The following SRSF1 variants were observed in gnomAD, a reference collection of about 807,000 sequenced individuals.
SRSF1 encodes serine and arginine rich splicing factor 1.
A neutral mutation model predicts 25.9 loss-of-function variants in SRSF1; 1 was observed. That is an observed-to-expected ratio of 0.04 (90% CI 0.01 to 0.18). The LOEUF is 0.18. SRSF1 is among the 10% of genes least tolerant of loss of function. The pLI, the probability that SRSF1 is intolerant of heterozygous loss-of-function variation, is 1.00. For missense variants in SRSF1, 65 were observed against 350.5 expected, an observed-to-expected ratio of 0.19 and a Z score of 6.50; for synonymous variants, 132 against 126.2, an observed-to-expected ratio of 1.05 and a Z score of -0.31.
chr17:57,995,351 T>C, the SRSF1 span, among the ~76,000 whole-genome samples: 4 of 152,358 alleles, frequency 2.6e-5, no homozygotes, highest in Admixed American at 6.5e-5. Context: ...TGTGTAGTTA[T>C]TGAGTGGCTA....
chr17:57,989,731 T>C, the SRSF1 span: 1 of 398,636 alleles, frequency 2.5e-6, no homozygotes, highest in East Asian at 3.6e-5. Context: ...GCCTTGGGGA[T>C]GAATGAGAAG....
At position 58,002,234 on chromosome 17, in the gene SRSF1, C is replaced by T. The variant is rs1231121858; in HGVS notation, c.*3172G>A. ...AATTCTTAGATAAAAAGAGCTACAT[C>T]CTTAAACTTACACTAAGTACTTAGT... On this transcript the variant is annotated 3_prime_UTR_variant, in exon 4 of 4. Coordinates refer to ENST00000258962, the MANE Select transcript of SRSF1 (RefSeq NM_006924.5). Among the ~76,000 whole-genome samples, 1 of 152,184 alleles carries T rather than the reference C, an allele frequency of 6.6e-6. No homozygotes were observed. Among genetic ancestry groups the T allele is most frequent in the Non-Finnish European group, 1.5e-5 (1 of 68,028 alleles).
rs978237926 is a variant in SRSF1, at chr17:58,001,121, CAT to C, written c.*4283_*4284del. Among the ~76,000 whole-genome samples, 1 of 152,068 alleles carries C rather than the reference CAT, an allele frequency of 6.6e-6. No individual in the cohort carries two copies. The highest frequency in any genetic ancestry group is 6.6e-5 in the Admixed American group (1 of 15,264). The stretch of plus-strand genomic sequence containing the variant: ...CTTTTAATACTATTTATGGTAAATA[CAT>C]ATATATAACTTACTTGCAATTTAAA... On this transcript the variant is annotated 3_prime_UTR_variant, in exon 4 of 4. Transcript: ENST00000258962.
intron 2 of SRSF1, 119 bp from the exon 3 acceptor site, chr17:58,006,092 C>G: frequency 9.6e-7 from 1 of 1,044,146 alleles, no homozygotes; most frequent in Non-Finnish European, 1.4e-6. Flanking sequence ...TAAGTGATAC[C>G]AGGTAAAGAG....
In SRSF1 at chr17:58,000,959, A is replaced by ATTT. The variant is rs1451793538; in HGVS notation, c.*4446_*4447insAAA. 6.6e-6 allele frequency among the ~76,000 whole-genome samples: 1 copy of ATTT among 152,166 alleles called. No homozygotes were observed. Among genetic ancestry groups the ATTT allele is most frequent in the African/African-American group, 2.4e-5 (1 of 41,464 alleles). On this transcript the variant is annotated 3_prime_UTR_variant, in exon 4 of 4. Transcript: ENST00000258962. The stretch of plus-strand genomic sequence containing the variant: ...ACATTTAATTAGCTCAACAACAGAA[A>ATTT]ATCTTTTGTTTTCGTAGTTTTTGGA...
At chr17:57,998,274 C>G (rs2075372596), downstream of SRSF1, among the ~76,000 whole-genome samples, 1 of 152,134 alleles carries the variant, frequency 6.6e-6, no homozygotes, top group East Asian at 1.9e-4. Context: ...AAATTTCTAC[C>G]ACCGTTAAGG....
chr17:58,006,681 C>A, intron 1 of SRSF1, 154 bp from the exon 2 acceptor site: 3 of 983,048 alleles, frequency 3.1e-6, no homozygotes, highest in Non-Finnish European at 4.4e-6. Flanking sequence ...CCCAGAAACA[C>A]GCCAGGCTCC....
Position 58,002,130 on chromosome 17 carries a change from ACTT to A in SRSF1, c.*3273_*3275del. 6.6e-6 allele frequency among the ~76,000 whole-genome samples: 1 copy of A among 152,312 alleles called. No individual in the cohort carries two copies. Among genetic ancestry groups the A allele is most frequent in the South Asian group, 2.1e-4 (1 of 4,826 alleles). On this transcript the variant is annotated 3_prime_UTR_variant, in exon 4 of 4. Coordinates refer to ENST00000258962, the MANE Select transcript of SRSF1 (RefSeq NM_006924.5). The stretch of plus-strand genomic sequence containing the variant: ...ATTTTTAAAATGTTCTACACATAAA[ACTT>A]CTTAGAATTTCAAGAATGTCATGTA...
the SRSF1 span, chr17:57,990,732 G>T: frequency 6.6e-6 from 1 of 152,172 alleles, no homozygotes; most frequent in Admixed American, 6.5e-5. Context: ...TGAGTAAATG[G>T]TATTACCTTC....
At chr17:57,996,243 G>A (rs2075364119), downstream of SRSF1, among the ~76,000 whole-genome samples, 1 of 152,128 alleles carries the variant, frequency 6.6e-6, no homozygotes, top group African/African-American at 2.4e-5. Flanking sequence ...CCAGCACTTT[G>A]GGAGGCCGAA....
downstream of SRSF1, among the ~76,000 whole-genome samples, chr17:57,997,789 C>A (rs1423829895): frequency 6.6e-6 from 1 of 152,150 alleles, no homozygotes; most frequent in Non-Finnish European, 1.5e-5. Context: ...TGCGGTGGCA[C>A]CCTGAAGACA....
chr17:58,005,641 T>C lies in SRSF1; in HGVS notation c.553-41A>G. 1 of 1,611,222 alleles carries C rather than the reference T, an allele frequency of 6.2e-7. No individual in the cohort carries two copies. The highest frequency in any genetic ancestry group is 8.5e-7 in the Non-Finnish European group (1 of 1,177,836). On this transcript the variant is annotated intron_variant, in intron 3 of 3. Transcript: ENST00000258962. This position sits in a 1 kb window ranked among gnomAD's most constrained non-coding sequence, Gnocchi z 5.2. ...AACTTTCCATTGAAAGATCTAAGCT[T>C]TCATCTATCTTCAGACATGCTGAAT...
chr17:58,006,284 A>G, intron 2 of SRSF1, 59 bp downstream of exon 2: 4 of 1,532,820 alleles, frequency 2.6e-6, no homozygotes, highest in Non-Finnish European at 3.5e-6. Context: ...GTCACGCAAG[A>G]GAAAAATTTT....
downstream of SRSF1, among the ~76,000 whole-genome samples, chr17:57,997,099 C>G (rs190806416): frequency 2.9e-4 from 44 of 152,240 alleles, no homozygotes; most frequent in African/African-American, 1.0e-3. Context: ...ACTATTTAGT[C>G]TTTTTGGAGA....
the SRSF1 span, chr17:57,994,923 A>T: frequency 6.6e-6 from 1 of 152,364 alleles, no homozygotes; most frequent in South Asian, 2.1e-4. Context: ...TACTTCTAAG[A>T]ATCTTCTCTA....
rs1449827839 is a variant in SRSF1, at chr17:58,001,318, T to C, written c.*4088A>G. ...ATCATATTAAACGCAAGCACTATGA[T>C]GCACAGACGTGAGCACTGAATATTT... On this transcript the variant is annotated 3_prime_UTR_variant, in exon 4 of 4. Coordinates refer to ENST00000258962, the MANE Select transcript of SRSF1 (RefSeq NM_006924.5). 6.6e-6 allele frequency among the ~76,000 whole-genome samples: 1 copy of C among 152,182 alleles called. No individual in the cohort carries two copies. The highest frequency in any genetic ancestry group is 1.5e-5 in the Non-Finnish European group (1 of 68,014).
At chr17:57,998,681 C>T (rs1197234443), downstream of SRSF1, among the ~76,000 whole-genome samples, 1 of 152,192 alleles carries the variant, frequency 6.6e-6, no homozygotes, top group Non-Finnish European at 1.5e-5. Flanking sequence ...AGCAAGACTA[C>T]TAGTTAACAG....
chr17:58,000,009 C>G (rs934100650), downstream of SRSF1, among the ~76,000 whole-genome samples: 1 of 152,098 alleles, frequency 6.6e-6, no homozygotes, highest in Non-Finnish European at 1.5e-5. Context: ...TCATGAATGA[C>G]TTTTCACCCC....
the SRSF1 span, chr17:57,993,902 CCT>C: frequency 5.9e-5 from 9 of 152,390 alleles, no homozygotes; most frequent in East Asian, 3.9e-4. Flanking sequence ...TCTGCAGCTT[CCT>C]CTTTCTTCCC....
Sources: allele counts gnomAD v4.1 joint callset (sites outside exome capture counted in the v4.1 genomes callset), GRCh38; gene constraint gnomAD v4.1.1; non-coding constraint Gnocchi (gnomAD v3.1); transcripts MANE v1.5; gene names NCBI Gene and HGNC (gene_info 2026-07-23, HGNC 2026-07-21).